ZNF66: variants seen among roughly 807,000 people sequenced by gnomAD.
ZNF66 encodes putative zinc finger protein 66.
In ZNF66, 32 loss-of-function variants were observed where a neutral mutation model predicts 35.2. The ratio of observed to expected loss-of-function variants is 0.91; its 90% CI spans 0.69 to 1.22. ZNF66 has a LOEUF of 1.22. ZNF66 is among the 50% of genes most tolerant of loss of function. ZNF66 has a pLI of 0.00. For synonymous variants in ZNF66, 231 were observed against 181.3 expected (o/e 1.27, Z -2.20); for missense variants, 666 against 543.1 (o/e 1.23, Z -2.25).
At chr19:20,780,480 T>C (rs1230780538) in intron 1 of ZNF66, among the ~76,000 whole-genome samples, 4 of 152,180 alleles carry the variant, frequency 2.6e-5, no homozygotes, top group African/African-American at 9.7e-5. Flanking sequence ...GTTATGGGAC[T>C]AACAAGTTTT....
chr19:20,806,496 C>A lies in ZNF66; in HGVS notation c.896C>A (p.Ser299Tyr). The A allele has an allele frequency of 6.6e-7, 1 of 1,516,346 alleles. No individual in the cohort carries two copies. Among genetic ancestry groups the A allele is most frequent in the Admixed American group, 1.7e-5 (1 of 59,674 alleles). 93.9% of individuals were successfully genotyped at this position (1,516,346 alleles called of 1,614,324 possible). Residue 299 changes from serine to tyrosine, a missense_variant, in exon 4 of 4, where the codon TCC (serine) becomes TAC (tyrosine). By Grantham distance (144) the Ser-to-Tyr change is moderately radical (BLOSUM62 -2). Coordinates refer to ENST00000344519, the MANE Select transcript of ZNF66 (RefSeq NM_001355197.2). The stretch of plus-strand genomic sequence containing the variant: ...GGCAAAGTTTTTAAGTACCTTTCTT[C>A]CCTTTCTACACATAAGATAATTCAT... Reference protein sequence around the residue: ...ECGKVFKYLSSLSTHKIIHTG... With the variant: ...ECGKVFKYLSYLSTHKIIHTG...
chr19:20,797,630 C>A (rs1186087744), intron 3 of ZNF66, among the ~76,000 whole-genome samples: 1 of 150,812 alleles, frequency 6.6e-6, no homozygotes, highest in Admixed American at 6.6e-5. Context: ...TTGGCGTGAT[C>A]TTGGCTCACT....
intron 1 of ZNF66, among the ~76,000 whole-genome samples, chr19:20,788,185 A>G (rs1046921295): frequency 1.1e-4 from 17 of 152,216 alleles, no homozygotes; most frequent in African/African-American, 4.1e-4. Flanking sequence ...AAACAGATAA[A>G]CTAGTTGCTT....
rs951877530 is a variant in ZNF66, at chr19:20,808,623, G to A, written c.*1301G>A. On this transcript the variant is annotated 3_prime_UTR_variant, in exon 4 of 4. Coordinates refer to ENST00000344519, the MANE Select transcript of ZNF66 (RefSeq NM_001355197.2). ...ACCTCTAGCAAACTCCAACAGACCT[G>A]CAGCTGAGGGTCCTGTCTGTTAGAA... Among the ~76,000 whole-genome samples the A allele has an allele frequency of 1.3e-5, 2 of 152,268 alleles. No individual in the cohort carries two copies. Among genetic ancestry groups the A allele is most frequent in the African/African-American group, 4.8e-5 (2 of 41,554 alleles).
chr19:20,805,122 T>A (rs909391498), intron 3 of ZNF66, among the ~76,000 whole-genome samples: 4 of 143,710 alleles, frequency 2.8e-5, no homozygotes, highest in African/African-American at 1.0e-4. Flanking sequence ...TGTGTGTGTG[T>A]GTGTGAGAGA....
chr19:20,787,684 G>T (rs1971299451), intron 1 of ZNF66, among the ~76,000 whole-genome samples: 1 of 152,198 alleles, frequency 6.6e-6, no homozygotes. Flanking sequence ...GGCAGAATTT[G>T]TAAGTGTAAA....
At chr19:20,793,691 A>G (rs1274856936) in intron 2 of ZNF66, 92 bp from the exon 3 acceptor site, 2 of 490,502 alleles carry the variant, frequency 4.1e-6, no homozygotes, top group Non-Finnish European at 7.2e-6. Context: ...ATTTACTAGA[A>G]TATTTTATCA....
intron 1 of ZNF66, among the ~76,000 whole-genome samples, chr19:20,779,348 G>A (rs1157671520): frequency 1.3e-5 from 2 of 152,124 alleles, no homozygotes; most frequent in African/African-American, 2.4e-5. Context: ...AAGAAAGGAG[G>A]TGGGAGGTGA....
chr19:20,779,411 C>T (rs757067517), intron 1 of ZNF66, among the ~76,000 whole-genome samples: 2 of 152,100 alleles, frequency 1.3e-5, no homozygotes, highest in Admixed American at 1.3e-4. Context: ...ATGTCTTACC[C>T]TGAAATCAGC....
intron 1 of ZNF66, among the ~76,000 whole-genome samples, chr19:20,788,090 G>A (rs1478825261): frequency 1.3e-5 from 2 of 152,198 alleles, no homozygotes; most frequent in African/African-American, 2.4e-5. Flanking sequence ...CCTCATACAA[G>A]AGGTATCTTT....
At chr19:20,805,107 TTGTGTG>T (rs59765897) in intron 3 of ZNF66, among the ~76,000 whole-genome samples, 1 of 147,930 alleles carries the variant, frequency 6.8e-6, no homozygotes, top group South Asian at 2.2e-4. Flanking sequence ...CAATTTACAT[TTGTGTG>T]TGTGTGTGTG....
At chr19:20,779,565 A>G (rs1003387650) in intron 1 of ZNF66, among the ~76,000 whole-genome samples, 6 of 152,004 alleles carry the variant, frequency 3.9e-5, no homozygotes, top group East Asian at 1.9e-4. Flanking sequence ...CCAGTGGCTC[A>G]TGCCTGTGAT....
At chr19:20,791,485 C>CAAAAAAAAAAAAAAAAAAAAAAAAAAAA (rs35269524) in intron 1 of ZNF66, among the ~76,000 whole-genome samples, 1 of 57,338 alleles carries the variant, frequency 1.7e-5, no homozygotes. Context: ...GACTTAATCT[C>CAAAAAAAAAAAAAAAAAAAAAAAAAAAA]AAAAAAAAAA....
chr19:20,789,649 A>G lies in ZNF66; in HGVS notation c.4-2863A>G, dbSNP rs538590673. ...TTCTGTATCTCTTTCATCTGTCTAT[A>G]TTTAGCTTTTATTCCTTATAATTTA... On this transcript the variant is annotated intron_variant, in intron 1 of 3. Coordinates refer to ENST00000344519, the MANE Select transcript of ZNF66 (RefSeq NM_001355197.2). Among the ~76,000 whole-genome samples, 8 of 152,234 alleles carry G rather than the reference A, an allele frequency of 5.3e-5. No homozygotes were observed. In the East Asian group the frequency reaches 1.5e-3, roughly 29 times the overall value.
Position 20,806,877 on chromosome 19 carries a change from A to C in ZNF66, c.1277A>C (p.Lys426Thr), listed in dbSNP as rs767201504. Residue 426 changes from lysine (K) to threonine (T), a missense_variant, in exon 4 of 4, where the codon AAA (lysine) becomes ACA (threonine). Coordinates refer to ENST00000344519, the MANE Select transcript of ZNF66 (RefSeq NM_001355197.2). ...KRIHTGEKPYKCEECGKAFSR... is the reference protein window; with the variant it reads ...KRIHTGEKPYTCEECGKAFSR... The stretch of plus-strand genomic sequence containing the variant: ...ATTCATACTGGAGAGAAACCCTACA[A>C]ATGTGAAGAATGTGGCAAAGCCTTC... The C allele has an allele frequency of 3.7e-6, 5 of 1,346,762 alleles. No homozygotes were observed. The highest frequency in any genetic ancestry group is 4.3e-6 in the Non-Finnish European group (4 of 938,378). The allele number at this position is 1,346,762 out of a possible 1,614,324, so 83.4% of individuals were successfully genotyped here. A position where few individuals can be genotyped will look rare whatever the true frequency, so the allele number is the denominator to read the frequency against.
At chr19:20,792,127 GA>G (rs1369764932) in intron 1 of ZNF66, among the ~76,000 whole-genome samples, 1 of 151,134 alleles carries the variant, frequency 6.6e-6, no homozygotes, top group Non-Finnish European at 1.5e-5. Flanking sequence ...AGATCTTCTG[GA>G]AAAAAACCCT....
chr19:20,809,439 G>C lies in ZNF66; in HGVS notation c.*2117G>C, dbSNP rs1158288271. On this transcript the variant is annotated 3_prime_UTR_variant, in exon 4 of 4. Transcript: ENST00000344519. The stretch of plus-strand genomic sequence containing the variant: ...TAAGGGCAGCCAGAGAGAAAGGTCG[G>C]GTTACCCACAAAGGGAAGCCCATCA... 1.3e-5 allele frequency among the ~76,000 whole-genome samples: 2 copies of C among 152,070 alleles called. No homozygotes were observed. The highest frequency in any genetic ancestry group is 2.9e-5 in the Non-Finnish European group (2 of 68,016).
intron 1 of ZNF66, among the ~76,000 whole-genome samples, chr19:20,776,737 G>T (rs897685869): frequency 4.6e-5 from 7 of 152,192 alleles, no homozygotes; most frequent in Non-Finnish European, 8.8e-5. Context: ...AGGGTCTTCA[G>T]GGGAGAATGC....
chr19:20,791,639 G>C (rs1283231398), intron 1 of ZNF66, among the ~76,000 whole-genome samples: 2 of 152,036 alleles, frequency 1.3e-5, no homozygotes, highest in African/African-American at 2.4e-5. Flanking sequence ...AACATAGGAG[G>C]TATCTGTATT....
Sources: allele counts gnomAD v4.1 joint callset (sites outside exome capture counted in the v4.1 genomes callset), GRCh38; gene constraint gnomAD v4.1.1; transcripts MANE v1.5; gene names NCBI Gene and HGNC (gene_info 2026-07-23, HGNC 2026-07-21).